The following ST6GALNAC3 variants were observed in gnomAD, a reference collection of about 807,000 sequenced individuals.
The protein encoded by ST6GALNAC3 is alpha-N-acetylgalactosaminide alpha-2,6-sialyltransferase 3.
Under a neutral mutation model 32.7 loss-of-function variants are expected in ST6GALNAC3, and 25 were observed. The observed-to-expected ratio is 0.76, with a 90% confidence interval of 0.56 to 1.07. The LOEUF (loss-of-function observed/expected upper bound fraction) is 1.07, where lower values mean the gene tolerates loss of function less well. ST6GALNAC3 is among the 50% of genes least tolerant of loss of function. The pLI is 0.00. For synonymous variants in ST6GALNAC3, 129 were observed against 133.1 expected, an observed-to-expected ratio of 0.97 and a Z score of 0.21; for missense variants, 355 against 382.4, an observed-to-expected ratio of 0.93 and a Z score of 0.60.
At chr1:76,539,739 C>T (rs1283857799) in intron 3 of ST6GALNAC3, among the ~76,000 whole-genome samples, 2 of 151,890 alleles carry the variant, frequency 1.3e-5, no homozygotes, top group African/African-American at 4.8e-5. Context: ...TTTATGCAGC[C>T]AACAAACAGG....
intron 1 of ST6GALNAC3, among the ~76,000 whole-genome samples, chr1:76,102,039 T>A (rs750367672): frequency 5.3e-5 from 8 of 152,194 alleles, no homozygotes; most frequent in Non-Finnish European, 1.2e-4. Flanking sequence ...CTCACTGATT[T>A]CTTTTGTCTT....
Position 76,426,166 on chromosome 1 carries a change from T to G in ST6GALNAC3, c.623+13749T>G, listed in dbSNP as rs141463511. 2.4e-3 allele frequency among the ~76,000 whole-genome samples: 372 copies of G among 151,988 alleles called. 2 individuals are homozygous for G. Among genetic ancestry groups the G allele is most frequent in the African/African-American group, 8.5e-3 (351 of 41,494 alleles). On this transcript the variant is annotated intron_variant, in intron 3 of 4. Coordinates refer to ENST00000328299, the MANE Select transcript of ST6GALNAC3 (RefSeq NM_152996.4). ...ACCCCCAACTCTCCCTTTTCTGCTT[T>G]TCAAACTCTATTTTCCTTTATGTTA...
At chr1:76,111,384 G>GT (rs1647923229) in intron 1 of ST6GALNAC3, among the ~76,000 whole-genome samples, 1 of 152,046 alleles carries the variant, frequency 6.6e-6, no homozygotes, top group South Asian at 2.1e-4. Context: ...AGCCAATGTC[G>GT]TCTAGATCTT....
chr1:76,226,922 C>A (rs1299045778), intron 1 of ST6GALNAC3, among the ~76,000 whole-genome samples: 1 of 152,136 alleles, frequency 6.6e-6, no homozygotes, highest in Non-Finnish European at 1.5e-5. Flanking sequence ...GGATTCCCAA[C>A]AACTGGAAAC....
intron 1 of ST6GALNAC3, among the ~76,000 whole-genome samples, chr1:76,151,194 G>T (rs1422898190): frequency 6.6e-6 from 1 of 152,144 alleles, no homozygotes; most frequent in Non-Finnish European, 1.5e-5. Context: ...TGGTTCCTAG[G>T]TGAGAATCAC....
intron 1 of ST6GALNAC3, among the ~76,000 whole-genome samples, chr1:76,238,378 A>C (rs1021326818): frequency 6.6e-6 from 1 of 152,226 alleles, no homozygotes; most frequent in African/African-American, 2.4e-5. Flanking sequence ...TGCCCACAGC[A>C]TGAGTCAATC....
At chr1:76,495,938 A>C (rs1028601573) in intron 3 of ST6GALNAC3, among the ~76,000 whole-genome samples, 2 of 152,206 alleles carry the variant, frequency 1.3e-5, no homozygotes, top group East Asian at 3.9e-4. Context: ...AGTTTTGCTC[A>C]TCAAGCTGGG....
chr1:76,595,913 G>T (rs1048355332), intron 3 of ST6GALNAC3, among the ~76,000 whole-genome samples: 6 of 152,012 alleles, frequency 3.9e-5, no homozygotes, highest in African/African-American at 1.4e-4. Flanking sequence ...TTGTTCTCAG[G>T]CCTGGAGACA....
intron 3 of ST6GALNAC3, among the ~76,000 whole-genome samples, chr1:76,512,539 T>A (rs1359301215): frequency 6.6e-6 from 1 of 152,172 alleles, no homozygotes; most frequent in Non-Finnish European, 1.5e-5. Context: ...CAAATCAAGG[T>A]GTTTAGTGTA....
chr1:76,195,515 GAGAGTACCTGGCTGTGA>G (rs1244955589), intron 1 of ST6GALNAC3, among the ~76,000 whole-genome samples: 1 of 152,148 alleles, frequency 6.6e-6, no homozygotes, highest in East Asian at 1.9e-4. Flanking sequence ...TTATTTTATT[GAGAGTACCTGGCTGTGA>G]AGAGTACATG....
chr1:76,381,754 T>C (rs530158133), intron 2 of ST6GALNAC3, among the ~76,000 whole-genome samples: 2 of 152,214 alleles, frequency 1.3e-5, no homozygotes, highest in South Asian at 2.1e-4. Context: ...GTGGGACTGG[T>C]AGATGAAAAT....
At chr1:76,081,285 T>TAAA (rs10526487) in intron 1 of ST6GALNAC3, among the ~76,000 whole-genome samples, 4 of 120,504 alleles carry the variant, frequency 3.3e-5, no homozygotes, top group African/African-American at 9.9e-5. Flanking sequence ...GCTGGTGAGC[T>TAAA]AAAAAAAAAA....
chr1:76,257,504 C>T (rs1044627424), intron 1 of ST6GALNAC3, among the ~76,000 whole-genome samples: 12 of 152,080 alleles, frequency 7.9e-5, no homozygotes, highest in Admixed American at 1.3e-4. Context: ...GAATCATGGT[C>T]GGGTTTGAAA....
chr1:76,549,771 G>A (rs1213623659), intron 3 of ST6GALNAC3, among the ~76,000 whole-genome samples: 1 of 152,164 alleles, frequency 6.6e-6, no homozygotes, highest in Non-Finnish European at 1.5e-5. Context: ...TTCGGCCAAA[G>A]TGTTCTACAA....
intron 1 of ST6GALNAC3, among the ~76,000 whole-genome samples, chr1:76,300,093 A>C (rs76332611): frequency 0.012 from 1,869 of 152,142 alleles, 33 homozygotes; most frequent in African/African-American, 0.042. Context: ...ACAGAAAAAT[A>C]TGGAGGTGGG....
At chr1:76,253,668 T>G (rs539815018) in intron 1 of ST6GALNAC3, among the ~76,000 whole-genome samples, 1 of 152,270 alleles carries the variant, frequency 6.6e-6, no homozygotes, top group East Asian at 1.9e-4. Flanking sequence ...ATTGATGCAA[T>G]TACATTAATC....
intron 2 of ST6GALNAC3, among the ~76,000 whole-genome samples, chr1:76,369,150 A>G (rs1356843072): frequency 2.6e-5 from 4 of 152,140 alleles, no homozygotes; most frequent in Non-Finnish European, 4.4e-5. Context: ...ACTTCCCTCC[A>G]CCAAGACTAA....
intron 2 of ST6GALNAC3, among the ~76,000 whole-genome samples, chr1:76,318,653 T>G (rs1005199758): frequency 6.6e-6 from 1 of 152,158 alleles, no homozygotes; most frequent in Non-Finnish European, 1.5e-5. Context: ...CCTATAGCAT[T>G]ATGGCAGAAT....
At chr1:76,139,175 C>A (rs1177118091) in intron 1 of ST6GALNAC3, among the ~76,000 whole-genome samples, 2 of 150,498 alleles carry the variant, frequency 1.3e-5, no homozygotes, top group East Asian at 3.9e-4. Context: ...GCCTGGGCGA[C>A]AGAGCGAGAC....
Sources: allele counts gnomAD v4.1 joint callset (sites outside exome capture counted in the v4.1 genomes callset), GRCh38; gene constraint gnomAD v4.1.1; transcripts MANE v1.5; gene names NCBI Gene and HGNC (gene_info 2026-07-23, HGNC 2026-07-21).